The following TNIK variants were observed in gnomAD, a reference collection of about 807,000 sequenced individuals.
TNIK encodes TRAF2 and NCK-interacting protein kinase.
A neutral mutation model predicts 191.3 loss-of-function variants in TNIK; 49 were observed. The ratio of observed to expected loss-of-function variants is 0.26; its 90% confidence interval spans 0.20 to 0.32. The LOEUF (loss-of-function observed/expected upper bound fraction) is 0.32. Among genes scored for constraint, TNIK ranks in the 10% least tolerant of loss-of-function variants. TNIK has a pLI of 1.00. For missense variants in TNIK, 1,155 were observed against 1,702.3 expected (o/e 0.68, Z 5.66); for synonymous variants, 594 against 600.9 (o/e 0.99, Z 0.17).
At chr3:171,234,078 G>A (rs1461108945) in intron 2 of TNIK, among the ~76,000 whole-genome samples, 3 of 152,124 alleles carry the variant, frequency 2.0e-5, no homozygotes, top group Non-Finnish European at 4.4e-5. Flanking sequence ...CATGATGATG[G>A]CAAACATGAA....
At chr3:171,233,698 G>A (rs1041416120) in intron 2 of TNIK, among the ~76,000 whole-genome samples, 1 of 152,202 alleles carries the variant, frequency 6.6e-6, no homozygotes, top group Non-Finnish European at 1.5e-5. Flanking sequence ...GAGGACTTGG[G>A]AATAGATTGG....
At chr3:171,080,015 C>T (rs1720463313) in intron 27 of TNIK, among the ~76,000 whole-genome samples, 1 of 152,194 alleles carries the variant, frequency 6.6e-6, no homozygotes, top group Admixed American at 6.5e-5. Context: ...AGATCAATCA[C>T]ATGAAGAAGT....
intron 26 of TNIK, among the ~76,000 whole-genome samples, chr3:171,083,215 C>T (rs1560084602): frequency 2.0e-5 from 3 of 152,136 alleles, no homozygotes; most frequent in Non-Finnish European, 4.4e-5. Flanking sequence ...ACTTCTCTTA[C>T]GTCTTGTACT....
chr3:171,199,541 A>C (rs1262772542), intron 4 of TNIK, among the ~76,000 whole-genome samples: 1 of 152,232 alleles, frequency 6.6e-6, no homozygotes, highest in Non-Finnish European at 1.5e-5. Flanking sequence ...TGCTTCGTTA[A>C]TTCTTCTTCA....
chr3:171,104,660 C>T (rs1724389450), intron 21 of TNIK, among the ~76,000 whole-genome samples: 2 of 152,098 alleles, frequency 1.3e-5, no homozygotes, highest in Non-Finnish European at 1.5e-5. Context: ...ATAGTTTATT[C>T]AAATAAATAT....
intron 23 of TNIK, among the ~76,000 whole-genome samples, chr3:171,092,875 T>A (rs73169754): frequency 6.6e-6 from 1 of 152,202 alleles, no homozygotes; most frequent in Non-Finnish European, 1.5e-5. Context: ...ACAGATGACA[T>A]ATGTTTATGT....
At chr3:171,450,168 A>T (rs2108725835) in intron 1 of TNIK, among the ~76,000 whole-genome samples, 1 of 152,248 alleles carries the variant, frequency 6.6e-6, no homozygotes, top group South Asian at 2.1e-4. Flanking sequence ...AAGATACAGC[A>T]CATATTTCCA....
At chr3:171,277,107 G>A (rs145033157) in intron 2 of TNIK, among the ~76,000 whole-genome samples, 96 of 152,254 alleles carry the variant, frequency 6.3e-4, no homozygotes, top group African/African-American at 2.2e-3. Flanking sequence ...CAGGATAAAC[G>A]TGGCCCCCTT....
chr3:171,345,696 G>A (rs529435777), intron 2 of TNIK, among the ~76,000 whole-genome samples: 1 of 152,264 alleles, frequency 6.6e-6, no homozygotes, highest in South Asian at 2.1e-4. Flanking sequence ...GCAAGAAGAG[G>A]TCAAAAGGTG....
intron 23 of TNIK, among the ~76,000 whole-genome samples, chr3:171,090,742 C>A (rs189727016): frequency 6.6e-6 from 1 of 152,048 alleles, no homozygotes; most frequent in African/African-American, 2.4e-5. Flanking sequence ...ATTCTAGAAC[C>A]GAGTAAAAAG....
At chr3:171,111,958 T>C (rs911491157) in intron 18 of TNIK, among the ~76,000 whole-genome samples, 2 of 152,190 alleles carry the variant, frequency 1.3e-5, no homozygotes, top group African/African-American at 2.4e-5. Context: ...GGTTACAGTT[T>C]CACTTGGACA....
At chr3:171,319,563 TAGG>T (rs1374351127) in intron 2 of TNIK, among the ~76,000 whole-genome samples, 1 of 152,134 alleles carries the variant, frequency 6.6e-6, no homozygotes, top group African/African-American at 2.4e-5. Context: ...GCAGGTTGGC[TAGG>T]AGGTTAGTTG....
chr3:171,189,966 A>T (rs747042931), intron 6 of TNIK, among the ~76,000 whole-genome samples: 1 of 152,258 alleles, frequency 6.6e-6, no homozygotes, highest in Non-Finnish European at 1.5e-5. Flanking sequence ...ATATAAACAT[A>T]GAAGATGTTT....
intron 9 of TNIK, 109 bp downstream of exon 9, chr3:171,175,143 C>T (rs977854015): frequency 3.9e-6 from 4 of 1,020,486 alleles, no homozygotes; most frequent in Admixed American, 2.1e-5. Context: ...AGTCATCATA[C>T]ATGTTAGTCT....
chr3:171,199,218 G>GA (rs66941170), intron 4 of TNIK, among the ~76,000 whole-genome samples: 6 of 148,136 alleles, frequency 4.1e-5, no homozygotes, highest in Non-Finnish European at 7.5e-5. Flanking sequence ...AAAAAAAAAA[G>GA]AAAAAAAACA....
At chr3:171,367,942 T>C (rs1715973017) in intron 2 of TNIK, among the ~76,000 whole-genome samples, 2 of 152,228 alleles carry the variant, frequency 1.3e-5, no homozygotes, top group Non-Finnish European at 2.9e-5. Flanking sequence ...GGTGCCATAG[T>C]ACTGTATCAA....
At chr3:171,188,615 A>AATC in intron 7 of TNIK, 87 bp downstream of exon 7, 1 of 1,491,948 alleles carries the variant, frequency 6.7e-7, no homozygotes, top group Admixed American at 2.1e-5. Flanking sequence ...GGGTGACATA[A>AATC]ATCATAAATA....
intron 7 of TNIK, among the ~76,000 whole-genome samples, chr3:171,188,428 A>C (rs1400616286): frequency 6.6e-6 from 1 of 152,254 alleles, no homozygotes; most frequent in Non-Finnish European, 1.5e-5. Context: ...TCTATTTTCC[A>C]ATAATAAGAA....
At chr3:171,318,330 T>C (rs1754850797) in intron 2 of TNIK, among the ~76,000 whole-genome samples, 1 of 152,148 alleles carries the variant, frequency 6.6e-6, no homozygotes, top group Non-Finnish European at 1.5e-5. Flanking sequence ...CCAAAGCATA[T>C]ACACCACAAA....
Sources: allele counts gnomAD v4.1 joint callset (sites outside exome capture counted in the v4.1 genomes callset), GRCh38; gene constraint gnomAD v4.1.1; transcripts MANE v1.5; gene names NCBI Gene and HGNC (gene_info 2026-07-23, HGNC 2026-07-21).